COL25A1: variants seen among roughly 807,000 people sequenced by gnomAD.
COL25A1 encodes the protein collagen type XXV alpha 1 chain.
COL25A1 carries 103 observed loss-of-function variants against 128.4 expected under a neutral mutation model. That is an observed-to-expected ratio of 0.80 (90% CI 0.68 to 0.94). The LOEUF (loss-of-function observed/expected upper bound fraction) is 0.94. Ranked by LOEUF, COL25A1 falls within the 40% of genes least tolerant of loss-of-function variation. The pLI is 0.00. For missense variants in COL25A1, 745 were observed against 840.0 expected, an observed-to-expected ratio of 0.89 and a Z score of 1.40; for synonymous variants, 279 against 277.2, an observed-to-expected ratio of 1.01 and a Z score of -0.06.
At chr4:109,155,717 G>A (rs1771967847) in intron 3 of COL25A1, among the ~76,000 whole-genome samples, 1 of 152,054 alleles carries the variant, frequency 6.6e-6, no homozygotes, top group South Asian at 2.1e-4. Flanking sequence ...CTTCATCCAC[G>A]GACCAACAGA....
At chr4:109,036,756 G>T (rs1205728810) in intron 5 of COL25A1, among the ~76,000 whole-genome samples, 3 of 152,170 alleles carry the variant, frequency 2.0e-5, no homozygotes, top group African/African-American at 7.2e-5. Flanking sequence ...TATGGTGAAA[G>T]ATATATACAT....
chr4:109,130,928 TAGAA>T (rs1419677482), intron 3 of COL25A1, among the ~76,000 whole-genome samples: 2 of 152,176 alleles, frequency 1.3e-5, no homozygotes, highest in East Asian at 1.9e-4. Flanking sequence ...AAAGGAATGA[TAGAA>T]AGAAGAAATG....
chr4:109,239,066 C>G (rs1779657623), intron 3 of COL25A1, among the ~76,000 whole-genome samples: 1 of 151,948 alleles, frequency 6.6e-6, no homozygotes, highest in Admixed American at 6.6e-5. Context: ...AAACAGGTTT[C>G]TACTGATGGA....
intron 31 of COL25A1, among the ~76,000 whole-genome samples, chr4:108,839,582 G>GT (rs1734187110): frequency 6.6e-6 from 1 of 152,172 alleles, no homozygotes; most frequent in African/African-American, 2.4e-5. Flanking sequence ...GTTAAATCCA[G>GT]TGACAGAAAG....
chr4:108,950,645 T>G lies in COL25A1; in HGVS notation c.493-9208A>C, dbSNP rs2125944976. ...AGGAACTCTCCCTTGAGACGTAGAC[T>G]CTGTTCTTCAACTTGGGCAAGGTCA... On this transcript the variant is annotated intron_variant, in intron 8 of 37. Coordinates refer to ENST00000399132, the MANE Select transcript of COL25A1 (RefSeq NM_198721.4). Among the ~76,000 whole-genome samples, 5 of 152,266 alleles carry G rather than the reference T, an allele frequency of 3.3e-5. 1 individual carries two copies. In the Middle Eastern group the frequency reaches 0.017, roughly 521 times the overall value.
intron 5 of COL25A1, among the ~76,000 whole-genome samples, chr4:109,010,834 C>T (rs1428452743): frequency 2.0e-5 from 3 of 152,208 alleles, no homozygotes; most frequent in African/African-American, 7.2e-5. Flanking sequence ...AGTGTTAGAG[C>T]TCATCAAGTC....
rs184508159 is a variant in COL25A1 at position 108,995,255 on chromosome 4, A to G, written c.438+15103T>C. Among the ~76,000 whole-genome samples, 491 of 152,340 alleles carry G rather than the reference A, an allele frequency of 3.2e-3. 4 individuals carry two copies. Among genetic ancestry groups the G allele is most frequent in the African/African-American group, 0.012 (483 of 41,572 alleles). ...AGATGAATGGCTAACTAGAATAACC[A>G]GTGTAGAGAAGAGCTTAAATGACCT... On this transcript the variant is annotated intron_variant, in intron 6 of 37. Transcript: ENST00000399132.
intron 28 of COL25A1, among the ~76,000 whole-genome samples, chr4:108,845,721 T>A (rs1202528564): frequency 6.6e-6 from 1 of 152,206 alleles, no homozygotes; most frequent in Non-Finnish European, 1.5e-5. Context: ...GGGAAAACCA[T>A]AAAACACCAT....
At chr4:108,969,903 T>C (rs796124733) in intron 8 of COL25A1, among the ~76,000 whole-genome samples, 5 of 149,654 alleles carry the variant, frequency 3.3e-5, no homozygotes, top group African/African-American at 1.3e-4. Flanking sequence ...AATATATATA[T>C]ATAAAATAAT....
chr4:109,300,094 G>T (rs755730287), intron 3 of COL25A1, among the ~76,000 whole-genome samples: 1 of 150,666 alleles, frequency 6.6e-6, no homozygotes, highest in Non-Finnish European at 1.5e-5. Context: ...ATAGGAGATG[G>T]AATCTTTTTA....
intron 3 of COL25A1, among the ~76,000 whole-genome samples, chr4:109,074,266 G>A (rs1183098482): frequency 6.6e-6 from 1 of 152,154 alleles, no homozygotes; most frequent in Non-Finnish European, 1.5e-5. Context: ...AACAGGCCAA[G>A]GAGCAGGACT....
At chr4:109,117,282 A>T (rs1284526801) in intron 3 of COL25A1, among the ~76,000 whole-genome samples, 1 of 152,026 alleles carries the variant, frequency 6.6e-6, no homozygotes, top group Non-Finnish European at 1.5e-5. Flanking sequence ...TCTATTGAGG[A>T]ACAATCTAAA....
intron 6 of COL25A1, among the ~76,000 whole-genome samples, chr4:108,987,373 T>A (rs1388053464): frequency 1.0e-5 from 1 of 96,388 alleles, no homozygotes; most frequent in Non-Finnish European, 2.2e-5. Flanking sequence ...TTTCTTTTTT[T>A]TTCTTTTTCT....
intron 8 of COL25A1, among the ~76,000 whole-genome samples, chr4:108,970,118 T>A (rs904431279): frequency 1.3e-5 from 2 of 152,100 alleles, no homozygotes; most frequent in Non-Finnish European, 2.9e-5. Context: ...GCCAGGCTGG[T>A]CTCGAACTCC....
chr4:108,908,413 C>T, intron 13 of COL25A1, among the ~76,000 whole-genome samples: 1 of 152,168 alleles, frequency 6.6e-6, no homozygotes. Flanking sequence ...TGTAGCAGTT[C>T]AGTAGTCTTT....
At chr4:109,036,127 C>T (rs1176439804) in intron 5 of COL25A1, among the ~76,000 whole-genome samples, 1 of 151,972 alleles carries the variant, frequency 6.6e-6, no homozygotes, top group Non-Finnish European at 1.5e-5. Context: ...CAGGGTTTCA[C>T]TGTGCTAGCC....
chr4:108,828,317 T>C (rs552053305), intron 32 of COL25A1, among the ~76,000 whole-genome samples: 5 of 152,130 alleles, frequency 3.3e-5, no homozygotes, highest in Middle Eastern at 3.4e-3. Flanking sequence ...GTATTTTTAG[T>C]AGAGATGGGG....
chr4:108,822,043 A>ATTTTTTCTTTTTTTT (rs1731826546), intron 35 of COL25A1, among the ~76,000 whole-genome samples: 1 of 89,964 alleles, frequency 1.1e-5, no homozygotes, highest in Non-Finnish European at 2.1e-5. Flanking sequence ...CCTAATGGTA[A>ATTTTTTCTTTTTTTT]TTTTTTTTTT....
chr4:108,937,595 C>A (rs1747587274), intron 11 of COL25A1, among the ~76,000 whole-genome samples: 1 of 151,948 alleles, frequency 6.6e-6, no homozygotes, highest in African/African-American at 2.4e-5. Context: ...CTCCCCACAC[C>A]TGGAATCTCT....
Sources: allele counts gnomAD v4.1 joint callset (sites outside exome capture counted in the v4.1 genomes callset), GRCh38; gene constraint gnomAD v4.1.1; transcripts MANE v1.5; gene names NCBI Gene and HGNC (gene_info 2026-07-23, HGNC 2026-07-21).